LRRIQ4: variants seen among roughly 807,000 people sequenced by gnomAD.
LRRIQ4 encodes the protein leucine-rich repeat and IQ domain-containing protein 4.
In LRRIQ4, 21 loss-of-function variants were observed where a neutral mutation model predicts 40.1. The observed-to-expected ratio is 0.52, with a 90% CI of 0.37 to 0.75. The LOEUF (loss-of-function observed/expected upper bound fraction) is 0.75, where lower values mean the gene tolerates loss of function less well. Among genes scored for constraint, LRRIQ4 ranks in the 30% least tolerant of loss-of-function variants. The pLI is 0.00. For synonymous variants in LRRIQ4, 277 were observed against 277.1 expected, an observed-to-expected ratio of 1.00 and a Z score of 0.00; for missense variants, 655 against 660.0, an observed-to-expected ratio of 0.99 and a Z score of 0.08.
chr3:169,831,892 G>A (rs140519746), intron 4 of LRRIQ4, among the ~76,000 whole-genome samples: 1 of 151,396 alleles, frequency 6.6e-6, no homozygotes, highest in Non-Finnish European at 1.5e-5. Context: ...GCTTGAATCC[G>A]GGAGGCAGAG....
chr3:169,827,336 G>A (rs1299855269), intron 2 of LRRIQ4, among the ~76,000 whole-genome samples: 3 of 151,992 alleles, frequency 2.0e-5, no homozygotes, highest in South Asian at 2.1e-4. Context: ...CGCCGGGTGC[G>A]GTGGCTCATG....
At chr3:169,836,340 C>T (rs975149865) in intron 5 of LRRIQ4, among the ~76,000 whole-genome samples, 8 of 152,118 alleles carry the variant, frequency 5.3e-5, no homozygotes, top group Admixed American at 2.0e-4. Context: ...ATAGAACAGG[C>T]GGCTTAAACA....
intron 2 of LRRIQ4, among the ~76,000 whole-genome samples, chr3:169,825,842 T>TTG (rs372919558): frequency 9.9e-5 from 15 of 152,076 alleles, no homozygotes; most frequent in Non-Finnish European, 1.3e-4. Flanking sequence ...CTGATGGGTT[T>TTG]TGTGTGTGTG....
rs763252451 is a variant in LRRIQ4 at position 169,833,019 on chromosome 3, C to T, written c.1366C>T (p.Leu456Phe). The change falls in exon 5 of 6, where the codon CTC (leucine) becomes TTC (phenylalanine). Residue 456 changes from leucine to phenylalanine, a missense_variant. Leu to Phe is a conservative substitution (Grantham distance 22, BLOSUM62 0). Transcript: ENST00000340806. ...LKELRLEDNL[L>F]THLPENLDSL... Reference sequence around the variant, plus strand: ...AGAATTACGGCTGGAGGACAACTTGCTCACCCATCTTCCAGAGAATTTGGA... The same window carrying T: ...AGAATTACGGCTGGAGGACAACTTGTTCACCCATCTTCCAGAGAATTTGGA... 2.0e-5 allele frequency: 33 copies of T among 1,612,782 alleles called. No individual in the cohort carries two copies. Among genetic ancestry groups the T allele is most frequent in the Admixed American group, 3.3e-5 (2 of 59,740 alleles).
rs1779911241 is a variant in LRRIQ4, at chr3:169,822,186, G to A, written c.265G>A (p.Ala89Thr). ...GAACAACCTGAGGAGCCTGTGCCCG[G>A]CGCTGGGGCTGCTGAGCAGCCTGGA... ...DKNNLRSLCP[A>T]LGLLSSLESL... Residue 89 changes from alanine to threonine, a missense_variant, in exon 2 of 6, where the codon GCG becomes ACG. By Grantham distance (58) the Ala-to-Thr change is moderately conservative. Transcript: ENST00000340806. 6.2e-7 allele frequency: 1 copy of A among 1,605,588 alleles called. No individual in the cohort carries two copies. Among genetic ancestry groups the A allele is most frequent in the South Asian group, 1.1e-5 (1 of 89,470 alleles).
At chr3:169,819,957 A>AATCAGTGTTAAAT (rs1395947446) in intron 1 of LRRIQ4, among the ~76,000 whole-genome samples, 13 of 152,230 alleles carry the variant, frequency 8.5e-5, no homozygotes, top group Admixed American at 2.6e-4. Flanking sequence ...TTTTAAACAA[A>AATCAGTGTTAAAT]ATCAGTGTTA....
At chr3:169,825,713 C>T (rs369653464) in intron 2 of LRRIQ4, among the ~76,000 whole-genome samples, 3 of 152,198 alleles carry the variant, frequency 2.0e-5, no homozygotes, top group African/African-American at 7.2e-5. Context: ...CAAAAATAAG[C>T]TTCATCCAAT....
chr3:169,823,274 T>A (rs1410466262), intron 2 of LRRIQ4, among the ~76,000 whole-genome samples: 1 of 151,750 alleles, frequency 6.6e-6, no homozygotes, highest in African/African-American at 2.4e-5. Context: ...TATCCAAGGT[T>A]ACACAGCCTG....
intron 2 of LRRIQ4, 21 bp from the exon 3 acceptor site, chr3:169,828,738 A>C: frequency 6.3e-7 from 1 of 1,599,266 alleles, no homozygotes; most frequent in Non-Finnish European, 8.5e-7. Flanking sequence ...CCTGAAACTT[A>C]TCTTTTTGGA....
intron 1 of LRRIQ4, among the ~76,000 whole-genome samples, chr3:169,820,249 CTGTGTGTGTGTGTGTGTGTGTGTGTG>C (rs55800037): frequency 7.0e-6 from 1 of 143,678 alleles, no homozygotes; most frequent in African/African-American, 2.6e-5. Context: ...CCCATAGACT[CTGTGTGTGTGTGTGTGTGTGTGTGTG>C]TGTGTGTGTG....
At chr3:169,828,009 AAT>A (rs894449768) in intron 2 of LRRIQ4, among the ~76,000 whole-genome samples, 4 of 152,208 alleles carry the variant, frequency 2.6e-5, no homozygotes, top group Non-Finnish European at 5.9e-5. Flanking sequence ...AAATGGTGTG[AAT>A]ATATGTTTGC....
chr3:169,830,306 T>G (rs887738110), intron 3 of LRRIQ4, among the ~76,000 whole-genome samples, 186 bp from the exon 4 acceptor site: 7 of 147,250 alleles, frequency 4.8e-5, no homozygotes, highest in Admixed American at 7.0e-5. Context: ...AAAAATAATT[T>G]TGGGTCTTGA....
rs1780098850 is a variant in LRRIQ4, at chr3:169,828,808, C to G, written c.1070C>G (p.Thr357Arg). 1 of 1,613,454 alleles carries G rather than the reference C, an allele frequency of 6.2e-7. No homozygotes were observed. The highest frequency in any genetic ancestry group is 1.7e-5 in the Admixed American group (1 of 59,908). ...SLSKLKILGLTGNEFLSFPEE... is the reference protein window; with the variant it reads ...SLSKLKILGLRGNEFLSFPEE... ...TCAAAACTGAAGATACTTGGACTAA[C>G]AGGAAATGAGTTCCTTTCCTTTCCG... is the stretch of plus-strand genomic sequence containing the variant. The change falls in exon 3 of 6, where the codon ACA becomes AGA. Residue 357 changes from threonine to arginine, a missense_variant. Coordinates refer to ENST00000340806, the MANE Select transcript of LRRIQ4 (RefSeq NM_001080460.3).
At chr3:169,831,957 C>T (rs73034289) in intron 4 of LRRIQ4, among the ~76,000 whole-genome samples, 50 of 148,862 alleles carry the variant, frequency 3.4e-4, no homozygotes, top group Middle Eastern at 3.4e-3. Context: ...CAGGGCAAGA[C>T]TCCGTTTTAA....
chr3:169,834,862 A>G (rs1007937241), intron 5 of LRRIQ4, among the ~76,000 whole-genome samples: 1 of 152,016 alleles, frequency 6.6e-6, no homozygotes, highest in Non-Finnish European at 1.5e-5. Context: ...AAAAATGTAT[A>G]TACATTACAA....
At chr3:169,820,431 G>A (rs1177613524) in intron 1 of LRRIQ4, among the ~76,000 whole-genome samples, 1 of 150,064 alleles carries the variant, frequency 6.7e-6, no homozygotes, top group African/African-American at 2.5e-5. Context: ...ATAAATTTTA[G>A]AATCAGCTTG....
rs368307455 is a variant in LRRIQ4 at position 169,822,501 on chromosome 3, G to C, written c.580G>C (p.Asp194His). The change falls in exon 2 of 6, where the codon GAC becomes CAC. Residue 194 changes from aspartate to histidine, a missense_variant. Transcript: ENST00000340806. Reference protein sequence around the residue: ...LCVLYTLEIIDLDENKIGAIP... With the variant: ...LCVLYTLEIIHLDENKIGAIP... ...TGTTCTCTACACCCTGGAAATCATT[G>C]ACCTGGACGAGAACAAAATAGGTGC... 1 of 1,613,860 alleles carries C rather than the reference G, an allele frequency of 6.2e-7. No individual in the cohort carries two copies. Among genetic ancestry groups the C allele is most frequent in the African/African-American group, 1.3e-5 (1 of 74,908 alleles).
Position 169,812,919 on chromosome 3 carries a change from G to A in LRRIQ4, c.-159G>A. On this transcript the variant is annotated 5_prime_UTR_variant, in exon 1 of 6. Transcript: ENST00000340806. The surrounding 1 kb of genome is among the most constrained non-coding windows in gnomAD (Gnocchi z 4.3). ...ATGATAAAGGCGTTGGGCTTTGGGA[G>A]CATAAAGGGTTTTGTGCTCCCAAAG... The A allele has an allele frequency of 5.0e-6, 1 of 199,830 alleles. No individual in the cohort carries two copies. The highest frequency in any genetic ancestry group is 1.0e-5 in the Non-Finnish European group (1 of 99,594). 12.4% of individuals were successfully genotyped at this position (199,830 alleles called of 1,614,324 possible). A position where few individuals can be genotyped will look rare whatever the true frequency, so the allele number is the denominator to read the frequency against.
At chr3:169,836,959 TG>T (rs1218403462) in intron 5 of LRRIQ4, among the ~76,000 whole-genome samples, 1 of 151,990 alleles carries the variant, frequency 6.6e-6, no homozygotes, top group African/African-American at 2.4e-5. Context: ...CAGAGAGAAA[TG>T]GGGAGCCACT....
Sources: gnomAD v4.1 joint callset for allele counts (sites outside exome capture counted in the v4.1 genomes callset) on GRCh38, gnomAD v4.1.1 for gene constraint, Gnocchi (gnomAD v3.1) non-coding constraint, MANE v1.5 for transcripts, NCBI Gene and HGNC (gene_info 2026-07-23, HGNC 2026-07-21) for gene names.